APLF: variants seen among roughly 807,000 people sequenced by gnomAD.
APLF encodes aprataxin and PNKP like factor, also known as aprataxin and PNK-like factor.
In APLF, 61 loss-of-function variants were observed where a neutral mutation model predicts 55.6. That is an observed-to-expected ratio of 1.10 (90% CI 0.89 to 1.36). APLF has a LOEUF of 1.36. Among genes scored for constraint, APLF ranks in the 40% most tolerant of loss-of-function variants. The pLI, the probability that APLF is intolerant of heterozygous loss-of-function variation, is 0.00. For synonymous variants in APLF, 207 were observed against 214.8 expected (o/e 0.96, Z 0.32); for missense variants, 611 against 602.5 (o/e 1.01, Z -0.15).
chr2:68,574,338 T>G (rs1054503771), intron 9 of APLF, among the ~76,000 whole-genome samples: 1 of 152,200 alleles, frequency 6.6e-6, no homozygotes, highest in Admixed American at 6.6e-5. Flanking sequence ...AGTTATTAAT[T>G]GAATTTTCCA....
At chr2:68,518,608 CATT>C (rs368508145) in intron 5 of APLF, among the ~76,000 whole-genome samples, 7 of 77,246 alleles carry the variant, frequency 9.1e-5, no homozygotes, top group Admixed American at 7.6e-4. Flanking sequence ...TATAATATAT[CATT>C]AATATATCAT....
At chr2:68,570,981 T>C (rs1056616365) in intron 9 of APLF, among the ~76,000 whole-genome samples, 105 of 152,280 alleles carry the variant, frequency 6.9e-4, no homozygotes, top group African/African-American at 1.9e-3. Context: ...TTTTTATGAT[T>C]GCCATTCTAA....
chr2:68,519,562 T>G (rs1294585043), intron 5 of APLF, among the ~76,000 whole-genome samples: 1 of 150,100 alleles, frequency 6.7e-6, no homozygotes, highest in Non-Finnish European at 1.5e-5. Context: ...TGAGGGAAAG[T>G]GTCTGCCCCT....
intron 2 of APLF, 49 bp from the exon 3 acceptor site, chr2:68,502,682 G>A (rs1389368544): frequency 2.0e-5 from 22 of 1,109,814 alleles, no homozygotes; most frequent in East Asian, 3.1e-5. Context: ...CAACATTATT[G>A]TATTATATTC....
At chr2:68,490,524 A>G (rs1676325716) in intron 2 of APLF, among the ~76,000 whole-genome samples, 1 of 152,220 alleles carries the variant, frequency 6.6e-6, no homozygotes, top group South Asian at 2.1e-4. Context: ...GATTTGGTTT[A>G]AAATTGAATA....
At chr2:68,515,602 T>C in intron 5 of APLF, 1 of 985,080 alleles carries the variant, frequency 1.0e-6, no homozygotes, top group African/African-American at 1.7e-5. Flanking sequence ...ACATAAAATA[T>C]GAAGCACGTT....
chr2:68,467,815 G>A lies in APLF; in HGVS notation c.84G>A (p.Gly28=). The A allele has an allele frequency of 8.1e-7, 1 of 1,233,352 alleles. No individual in the cohort carries two copies. Among genetic ancestry groups the A allele is most frequent in the Non-Finnish European group, 1.0e-6 (1 of 988,146 alleles). The allele number at this position is 1,233,352 out of a possible 1,614,324, so 76.4% of individuals were successfully genotyped here. Residue 28 remains glycine (G), a synonymous_variant, in exon 1 of 10, where the codon GGG becomes GGA. Transcript: ENST00000303795. The part of the protein sequence containing the change: ...LAPGETVIGR[G]PLLGITDKRV... Reference sequence around the variant, plus strand: ...CCGGGGAGACGGTGATCGGCCGCGGGCCGCTGCTGGGAGTAAGTGTGGGCG... The same window carrying A: ...CCGGGGAGACGGTGATCGGCCGCGGACCGCTGCTGGGAGTAAGTGTGGGCG...
In APLF at chr2:68,529,926, G is replaced by A. The variant is rs1299757508; in HGVS notation, c.804+3684G>A. On this transcript the variant is annotated intron_variant, in intron 6 of 9. Coordinates refer to ENST00000303795, the MANE Select transcript of APLF (RefSeq NM_173545.3). The surrounding 1 kb of genome is among the most constrained non-coding windows in gnomAD (Gnocchi z 4.4). Reference sequence around the variant, plus strand: ...CAGCCAGATCCCGCCAGGCTCCCCCGGGGCCTCTCCAGTGCCTCTGTGCCG... The same window carrying A: ...CAGCCAGATCCCGCCAGGCTCCCCCAGGGCCTCTCCAGTGCCTCTGTGCCG... Among the ~76,000 whole-genome samples the A allele has an allele frequency of 2.0e-5, 3 of 152,208 alleles. No individual in the cohort carries two copies. Among genetic ancestry groups the A allele is most frequent in the Non-Finnish European group, 4.4e-5 (3 of 68,038 alleles).
chr2:68,522,691 C>T (rs1669927651), intron 5 of APLF, among the ~76,000 whole-genome samples: 1 of 151,740 alleles, frequency 6.6e-6, no homozygotes, highest in Admixed American at 6.6e-5. Context: ...GAATGAAACA[C>T]CCAGAAACAG....
intron 3 of APLF, among the ~76,000 whole-genome samples, chr2:68,506,074 C>T (rs994377110): frequency 5.9e-5 from 9 of 151,888 alleles, no homozygotes; most frequent in African/African-American, 2.2e-4. Context: ...AGAGCTCTAG[C>T]CAGGAACCAG....
At chr2:68,474,580 C>G (rs1675716173) in intron 1 of APLF, among the ~76,000 whole-genome samples, 1 of 152,230 alleles carries the variant, frequency 6.6e-6, no homozygotes, top group African/African-American at 2.4e-5. Flanking sequence ...CCATTTACTA[C>G]TTACCATGAA....
intron 5 of APLF, among the ~76,000 whole-genome samples, chr2:68,523,631 T>C (rs1231639430): frequency 6.6e-6 from 1 of 151,908 alleles, no homozygotes; most frequent in African/African-American, 2.4e-5. Flanking sequence ...TACATATATA[T>C]ATATAATTGA....
intron 8 of APLF, among the ~76,000 whole-genome samples, chr2:68,558,540 G>A (rs1040435404): frequency 2.0e-5 from 3 of 152,172 alleles, no homozygotes; most frequent in Admixed American, 2.0e-4. Flanking sequence ...CAAAAATATA[G>A]TATGTTCATT....
intron 8 of APLF, among the ~76,000 whole-genome samples, chr2:68,565,514 GATACATACATACATACATACATAC>G (rs372500629): frequency 6.7e-6 from 1 of 148,922 alleles, no homozygotes; most frequent in South Asian, 2.1e-4. Flanking sequence ...TAGACAGATA[GATACATACATACATACATACATAC>G]ATACATACAT....
intron 8 of APLF, among the ~76,000 whole-genome samples, chr2:68,547,922 C>T (rs1670748976): frequency 6.6e-6 from 1 of 151,838 alleles, no homozygotes; most frequent in South Asian, 2.1e-4. Flanking sequence ...ATCTAACAGA[C>T]TGCTGACTTA....
At chr2:68,530,207 G>A (rs2103991640) in intron 6 of APLF, among the ~76,000 whole-genome samples, 1 of 152,380 alleles carries the variant, frequency 6.6e-6, no homozygotes, top group East Asian at 1.9e-4. Flanking sequence ...TCTGGCCTGT[G>A]TGCCTCATGA....
intron 2 of APLF, among the ~76,000 whole-genome samples, chr2:68,501,546 C>A (rs548346183): frequency 6.6e-6 from 1 of 152,112 alleles, no homozygotes; most frequent in East Asian, 1.9e-4. Flanking sequence ...ATGGAAAGAG[C>A]CAATTTTAGC....
chr2:68,533,668 A>G (rs970058573), intron 6 of APLF, among the ~76,000 whole-genome samples: 2 of 152,152 alleles, frequency 1.3e-5, no homozygotes, highest in African/African-American at 2.4e-5. Flanking sequence ...GCAAAGGTTG[A>G]TGGAATGGCT....
intron 1 of APLF, among the ~76,000 whole-genome samples, chr2:68,474,085 T>C (rs1675699338): frequency 1.3e-5 from 2 of 152,202 alleles, no homozygotes; most frequent in Non-Finnish European, 2.9e-5. Context: ...TGGTTTGTTA[T>C]AAGGGATATG....
Sources: gnomAD v4.1 joint callset for allele counts (sites outside exome capture counted in the v4.1 genomes callset) on GRCh38, gnomAD v4.1.1 for gene constraint, Gnocchi (gnomAD v3.1) non-coding constraint, MANE v1.5 for transcripts, NCBI Gene and HGNC (gene_info 2026-07-23, HGNC 2026-07-21) for gene names.